Variants in RBM18 observed in about 807,000 individuals in gnomAD.
The protein encoded by RBM18 is RNA binding motif protein 18.
Under a neutral mutation model 26.4 loss-of-function variants are expected in RBM18, and 18 were observed. The ratio of observed to expected loss-of-function variants is 0.68; its 90% CI spans 0.47 to 1.01. RBM18 has a LOEUF of 1.01. Ranked by LOEUF, RBM18 falls within the 50% of genes least tolerant of loss-of-function variation. RBM18 has a pLI of 0.00. For missense variants in RBM18, 180 were observed against 219.2 expected, an observed-to-expected ratio of 0.82 and a Z score of 1.13; for synonymous variants, 74 against 81.1, an observed-to-expected ratio of 0.91 and a Z score of 0.47.
At chr9:122,247,863 C>T (rs1179506808) in intron 3 of RBM18, among the ~76,000 whole-genome samples, 1 of 147,620 alleles carries the variant, frequency 6.8e-6, no homozygotes. Context: ...CGGCTCACTG[C>T]AATCTCCGCC....
At chr9:122,254,625 A>G (rs1831660277) in intron 2 of RBM18, among the ~76,000 whole-genome samples, 1 of 152,240 alleles carries the variant, frequency 6.6e-6, no homozygotes. Context: ...TGTTTTCTGT[A>G]ATTGGTCTTT....
rs1033582173 is a variant in RBM18 at position 122,240,167 on chromosome 9, G to A, written c.*1717C>T. 1 of 152,108 alleles carries A rather than the reference G, an allele frequency of 6.6e-6. No homozygotes were observed. The highest frequency in any genetic ancestry group is 2.1e-4 in the South Asian group (1 of 4,828). 9.4% of individuals were successfully genotyped at this position (152,108 alleles called of 1,614,324 possible). Reference sequence around the variant, plus strand: ...CCTATTAAAAATAGAAGACTATTTTGCACTATGTAAGTTCTAGTCCACCAT... The same window carrying A: ...CCTATTAAAAATAGAAGACTATTTTACACTATGTAAGTTCTAGTCCACCAT... On this transcript the variant is annotated 3_prime_UTR_variant, in exon 6 of 6. Coordinates refer to ENST00000417201, the MANE Select transcript of RBM18 (RefSeq NM_033117.4).
chr9:122,250,398 T>G (rs971626191), intron 3 of RBM18, among the ~76,000 whole-genome samples: 3 of 152,236 alleles, frequency 2.0e-5, no homozygotes, highest in African/African-American at 7.2e-5. Context: ...ATATTTATAC[T>G]AGTGAATCAA....
At chr9:122,248,625 G>A (rs1030463583) in intron 3 of RBM18, among the ~76,000 whole-genome samples, 8 of 152,172 alleles carry the variant, frequency 5.3e-5, no homozygotes, top group East Asian at 1.9e-4. Context: ...GGAGTAATAC[G>A]GTTGAAAGGA....
In RBM18 at chr9:122,245,241, A is replaced by C. The variant is rs773858899; in HGVS notation, c.413+15T>G. ...CTCCTGAATTACTGTGTCTTTCTAT[A>C]GTACATCATCTTACCTTAGGTTAGA... On this transcript the variant is annotated intron_variant, in intron 5 of 5. Coordinates refer to ENST00000417201, the MANE Select transcript of RBM18 (RefSeq NM_033117.4). 21 of 1,480,236 alleles carry C rather than the reference A, an allele frequency of 1.4e-5. No homozygotes were observed. In the South Asian group the frequency reaches 2.3e-4, roughly 16 times the overall value. 91.7% of individuals were successfully genotyped at this position (1,480,236 alleles called of 1,614,324 possible).
chr9:122,252,295 GATTT>G (rs1831617553), intron 2 of RBM18, among the ~76,000 whole-genome samples: 1 of 152,166 alleles, frequency 6.6e-6, no homozygotes, highest in African/African-American at 2.4e-5. Flanking sequence ...AAATAGTGTT[GATTT>G]ATTTATTTTT....
At chr9:122,260,568 C>A (rs920427351) in intron 2 of RBM18, among the ~76,000 whole-genome samples, 1 of 152,128 alleles carries the variant, frequency 6.6e-6, no homozygotes, top group Non-Finnish European at 1.5e-5. Flanking sequence ...CAATCAATTT[C>A]GTGAACTCGG....
At chr9:122,263,871 C>A (rs956270996) in intron 1 of RBM18, among the ~76,000 whole-genome samples, 9 of 152,158 alleles carry the variant, frequency 5.9e-5, no homozygotes, top group Non-Finnish European at 1.3e-4. Flanking sequence ...GACTTTTGCA[C>A]CTAGTAACTG....
chr9:122,255,037 G>C (rs1309596180), intron 2 of RBM18, among the ~76,000 whole-genome samples: 1 of 152,208 alleles, frequency 6.6e-6, no homozygotes, highest in African/African-American at 2.4e-5. Flanking sequence ...AAGGTAGGCA[G>C]AGGACAGGTT....
In RBM18 at chr9:122,245,326, T is replaced by C; in HGVS notation, c.343A>G (p.Lys115Glu). Reference sequence around the variant, plus strand: ...CTGATTGGAAGAATCTTATCATTCTTGTTATGATCATATCTCTGAAAATGA... The same window carrying C: ...CTGATTGGAAGAATCTTATCATTCTCGTTATGATCATATCTCTGAAAATGA... ...HAQVKRYDHN[K>E]NDKILPISLE... Residue 115 changes from lysine to glutamate, a missense_variant, in exon 5 of 6, where the codon AAG becomes GAG. Lys to Glu is a moderately conservative substitution (Grantham distance 56). This residue lies in a region of RBM18 where 103 missense variants were observed against 102.8 expected (regional missense o/e 1.00). Coordinates refer to ENST00000417201, the MANE Select transcript of RBM18 (RefSeq NM_033117.4). The C allele has an allele frequency of 6.2e-7, 1 of 1,607,464 alleles. No homozygotes were observed. Among genetic ancestry groups the C allele is most frequent in the Non-Finnish European group, 8.5e-7 (1 of 1,174,078 alleles).
At chr9:122,247,627 T>C in intron 3 of RBM18, 23 bp from the exon 4 acceptor site, 1 of 1,597,584 alleles carries the variant, frequency 6.3e-7, no homozygotes, top group Non-Finnish European at 8.6e-7. Context: ...GGGACAAATG[T>C]TAGTTAAAAA....
rs1288165894 is a variant in RBM18 at position 122,240,774 on chromosome 9, A to T, written c.*1110T>A. 6.6e-6 allele frequency: 1 copy of T among 152,220 alleles called. No individual in the cohort carries two copies. The highest frequency in any genetic ancestry group is 1.5e-5 in the Non-Finnish European group (1 of 68,040). The allele number at this position is 152,220 out of a possible 1,614,324, so 9.4% of individuals were successfully genotyped here. A position where few individuals can be genotyped will look rare whatever the true frequency, so the allele number is the denominator to read the frequency against. On this transcript the variant is annotated 3_prime_UTR_variant, in exon 6 of 6. Transcript: ENST00000417201. ...TAGAGGCAAGTATGTTCTCCAAGTGAAGAATCATTTCCAAGGCATGCAGTC... is the reference window on the plus strand; with the variant it reads ...TAGAGGCAAGTATGTTCTCCAAGTGTAGAATCATTTCCAAGGCATGCAGTC...
chr9:122,240,262 T>C lies in RBM18; in HGVS notation c.*1622A>G, dbSNP rs148819646. ...AAGAAGTCACCAGAAAAATGGGAGA[T>C]AATGCTCCTACCTCTCTGAACTATC... On this transcript the variant is annotated 3_prime_UTR_variant, in exon 6 of 6. Transcript: ENST00000417201. The C allele has an allele frequency of 1.6e-4, 24 of 152,302 alleles. No homozygotes were observed. The highest frequency in any genetic ancestry group is 4.6e-4 in the African/African-American group (19 of 41,580). 9.4% of individuals were successfully genotyped at this position (152,302 alleles called of 1,614,324 possible).
chr9:122,243,568 G>A (rs1233315645), intron 5 of RBM18, among the ~76,000 whole-genome samples: 1 of 152,164 alleles, frequency 6.6e-6, no homozygotes, highest in East Asian at 1.9e-4. Context: ...TCAGGGAGTA[G>A]GTATTTTTTG....
intron 1 of RBM18, among the ~76,000 whole-genome samples, chr9:122,261,728 G>A (rs2297178): frequency 0.028 from 4,225 of 152,352 alleles, 83 homozygotes; most frequent in South Asian, 0.046. Flanking sequence ...TGAAAGGGGC[G>A]TGGTTCTGTG....
chr9:122,256,128 C>T (rs1040731455), intron 2 of RBM18, among the ~76,000 whole-genome samples: 19 of 152,202 alleles, frequency 1.2e-4, no homozygotes, highest in African/African-American at 4.6e-4. Context: ...CAATGAGTTT[C>T]TTTTTCATGA....
rs1831792487 is a variant in RBM18, at chr9:122,261,401, T to C, written c.92A>G (p.Asn31Ser). 1 of 1,613,692 alleles carries C rather than the reference T, an allele frequency of 6.2e-7. No individual in the cohort carries two copies. The highest frequency in any genetic ancestry group is 8.5e-7 in the Non-Finnish European group (1 of 1,179,566). ...TTACTCGGTAATTTTGGGGTCCAGG[T>C]TGCCAATCCATAATCGGTGTCCTTC... ...LQEGHRLWIG[N>S]LDPKITEYHL... The change falls in exon 2 of 6, where the codon AAC (asparagine) becomes AGC (serine). Residue 31 changes from asparagine (N) to serine (S), a missense_variant. Asn to Ser is a conservative substitution (Grantham distance 46). Transcript: ENST00000417201.
rs974068693 is a variant in RBM18 at position 122,258,927 on chromosome 9, G to T, written c.113+2453C>A. Among the ~76,000 whole-genome samples, 3 of 88,898 alleles carry T rather than the reference G, an allele frequency of 3.4e-5. No individual in the cohort carries two copies. In the East Asian group the frequency reaches 8.9e-4, roughly 26 times the overall value. 58.3% of individuals were successfully genotyped at this position (88,898 alleles called of 152,430 possible). On this transcript the variant is annotated intron_variant, in intron 2 of 5. Transcript: ENST00000417201. ...AGCTGTCAAAAAAAAAAAAAAAAAA[G>T]AAGAAGAAGAAAAAAGAATCTATAG...
At chr9:122,258,307 C>T (rs1201140848) in intron 2 of RBM18, among the ~76,000 whole-genome samples, 3 of 152,120 alleles carry the variant, frequency 2.0e-5, no homozygotes, top group Admixed American at 6.6e-5. Context: ...CTTGCTCTGT[C>T]GCCAAGGCTG....
Sources: gnomAD v4.1 joint callset for allele counts (sites outside exome capture counted in the v4.1 genomes callset) on GRCh38, gnomAD v4.1.1 for gene constraint, gnomAD v4.1.1 regional missense constraint, MANE v1.5 for transcripts, NCBI Gene and HGNC (gene_info 2026-07-23, HGNC 2026-07-21) for gene names.